COL26A1: variants seen among roughly 807,000 people sequenced by gnomAD.
COL26A1 encodes the protein collagen type XXVI alpha 1 chain, also known as collagen alpha-1(XXVI) chain.
COL26A1 carries 41 observed loss-of-function variants against 59.3 expected under a neutral mutation model. The observed-to-expected ratio is 0.69, with a 90% CI of 0.54 to 0.90. The LOEUF is 0.90. Among genes scored for constraint, COL26A1 ranks in the 40% least tolerant of loss-of-function variants. The pLI is 0.00. For synonymous variants in COL26A1, 266 were observed against 256.0 expected (o/e 1.04, Z -0.37); for missense variants, 612 against 602.3 (o/e 1.02, Z -0.17).
intron 2 of COL26A1, among the ~76,000 whole-genome samples, chr7:101,441,288 T>A (rs1265329065): frequency 6.6e-6 from 1 of 152,184 alleles, no homozygotes; most frequent in South Asian, 2.1e-4. Flanking sequence ...CAGTACACTG[T>A]GAGTCTGCAA....
At chr7:101,475,150 C>T (rs780459950) in intron 3 of COL26A1, among the ~76,000 whole-genome samples, 2 of 150,986 alleles carry the variant, frequency 1.3e-5, no homozygotes, top group Admixed American at 6.6e-5. Flanking sequence ...GAGCCGAGAT[C>T]GCGCCACTGC....
At chr7:101,554,871 A>T (rs1795934110) in intron 11 of COL26A1, among the ~76,000 whole-genome samples, 1 of 152,058 alleles carries the variant, frequency 6.6e-6, no homozygotes, top group Non-Finnish European at 1.5e-5. Flanking sequence ...CGACACTGAC[A>T]TCCCTGTCCC....
chr7:101,516,478 C>T (rs1220709929), intron 3 of COL26A1, among the ~76,000 whole-genome samples: 2 of 152,028 alleles, frequency 1.3e-5, no homozygotes, highest in Non-Finnish European at 2.9e-5. Context: ...CACTAGGTTG[C>T]CCCACCTAGT....
intron 9 of COL26A1, among the ~76,000 whole-genome samples, chr7:101,549,590 C>A (rs995692324): frequency 6.6e-6 from 1 of 152,114 alleles, no homozygotes; most frequent in Admixed American, 6.5e-5. Context: ...CCATGTTGCC[C>A]AGGCTGGTCT....
intron 3 of COL26A1, among the ~76,000 whole-genome samples, chr7:101,475,491 G>A (rs1794009845): frequency 1.3e-5 from 2 of 152,046 alleles, no homozygotes; most frequent in Admixed American, 1.3e-4. Flanking sequence ...GAGCCCCACT[G>A]ATGGAGAGAA....
At chr7:101,535,407 C>T (rs1270717315) in intron 4 of COL26A1, among the ~76,000 whole-genome samples, 1 of 152,222 alleles carries the variant, frequency 6.6e-6, no homozygotes, top group African/African-American at 2.4e-5. Flanking sequence ...CAGCCCTGGC[C>T]TCAGCCCAGT....
At chr7:101,451,091 A>G (rs1376488107) in intron 3 of COL26A1, among the ~76,000 whole-genome samples, 1 of 129,090 alleles carries the variant, frequency 7.7e-6, no homozygotes, top group Non-Finnish European at 1.6e-5. Context: ...TATATTATTG[A>G]AATATATGAT....
intron 9 of COL26A1, among the ~76,000 whole-genome samples, chr7:101,549,538 G>A (rs1438686543): frequency 2.6e-5 from 4 of 152,010 alleles, no homozygotes; most frequent in African/African-American, 9.7e-5. Flanking sequence ...ACGCCACCAC[G>A]CCCAGCTAAT....
At chr7:101,498,534 G>A (rs1324889561) in intron 3 of COL26A1, among the ~76,000 whole-genome samples, 1 of 152,150 alleles carries the variant, frequency 6.6e-6, no homozygotes, top group East Asian at 1.9e-4. Context: ...GCACCTTGGT[G>A]AGCCTTGAGT....
chr7:101,363,146 C>G lies in COL26A1; in HGVS notation c.114C>G (p.Pro38=). ...CAGCTCTGCAGCAGCACGGCTACCC[C>G]GAGCCCGGCGCCGGCTCCCCTGGCA... ...SAAALQQHGY[P]EPGAGSPGSG... is the part of the protein sequence containing the mutation. The change falls in exon 1 of 13, where the codon CCC becomes CCG. Residue 38 remains proline (P), a synonymous_variant. Transcript: ENST00000313669. 1 of 1,514,570 alleles carries G rather than the reference C, an allele frequency of 6.6e-7. No individual in the cohort carries two copies. Among genetic ancestry groups the G allele is most frequent in the Non-Finnish European group, 8.8e-7 (1 of 1,138,936 alleles). The allele number at this position is 1,514,570 out of a possible 1,614,324, so 93.8% of individuals were successfully genotyped here.
Position 101,416,254 on chromosome 7 carries a change from T to C in COL26A1, c.159-3723T>C, listed in dbSNP as rs76984165. Among the ~76,000 whole-genome samples the C allele has an allele frequency of 3.8e-3, 547 of 142,102 alleles. 27 individuals carry two copies. In the East Asian group the frequency reaches 0.089, roughly 23 times the overall value. 93.2% of individuals were successfully genotyped at this position (142,102 alleles called of 152,430 possible). A position where few individuals can be genotyped will look rare whatever the true frequency, so the allele number is the denominator to read the frequency against. On this transcript the variant is annotated intron_variant, in intron 1 of 12. Coordinates refer to ENST00000313669, the MANE Select transcript of COL26A1 (RefSeq NM_001278563.3). The stretch of plus-strand genomic sequence containing the variant: ...ACAAAAATGCAAAAGTTAGCCAGCA[T>C]GTTGGCGCACACCTGTGGTCCCAGC...
intron 3 of COL26A1, among the ~76,000 whole-genome samples, chr7:101,524,841 G>A (rs1183033904): frequency 6.6e-6 from 1 of 152,100 alleles, no homozygotes; most frequent in Non-Finnish European, 1.5e-5. Flanking sequence ...GATCTTGCTG[G>A]GGGGAAGATG....
intron 1 of COL26A1, among the ~76,000 whole-genome samples, chr7:101,395,685 C>T (rs112621917): frequency 1.9e-4 from 29 of 152,164 alleles, no homozygotes; most frequent in African/African-American, 7.0e-4. Flanking sequence ...TTGTGGTCAA[C>T]CCCCTGGTGC....
chr7:101,456,168 A>ATATTT (rs1163899499), intron 3 of COL26A1, among the ~76,000 whole-genome samples: 1 of 124,598 alleles, frequency 8.0e-6, no homozygotes, highest in East Asian at 2.1e-4. Context: ...ATATATATAT[A>ATATTT]TTTTTTTTTT....
chr7:101,452,997 C>T (rs1012008843), intron 3 of COL26A1, among the ~76,000 whole-genome samples: 16 of 152,164 alleles, frequency 1.1e-4, no homozygotes, highest in Admixed American at 6.5e-4. Context: ...GTGATCTGCC[C>T]GCCCCCGCCT....
rs551955971 is a variant in COL26A1, at chr7:101,533,159, G to T, written c.447+16G>T. On this transcript the variant is annotated intron_variant, in intron 4 of 12. Transcript: ENST00000313669. ...GGAGGCCAAGGTCAGTCGGGCTGGG[G>T]AGTCTGGGCCTGGGGAGCTGCCTGG... 5.0e-6 allele frequency: 8 copies of T among 1,589,758 alleles called. No individual in the cohort carries two copies. Among genetic ancestry groups the T allele is most frequent in the Middle Eastern group, 3.3e-4 (2 of 6,018 alleles).
intron 2 of COL26A1, among the ~76,000 whole-genome samples, chr7:101,431,058 T>A (rs1437632309): frequency 6.6e-6 from 1 of 152,174 alleles, no homozygotes; most frequent in Non-Finnish European, 1.5e-5. Flanking sequence ...TGCCTCAGCC[T>A]CCCAAAGTGC....
At chr7:101,492,110 T>C (rs1470773491) in intron 3 of COL26A1, among the ~76,000 whole-genome samples, 4 of 152,122 alleles carry the variant, frequency 2.6e-5, no homozygotes, top group Non-Finnish European at 5.9e-5. Flanking sequence ...AGGAAGCCGC[T>C]GGTAAGCCTG....
At chr7:101,415,183 C>G (rs1175872124) in intron 1 of COL26A1, among the ~76,000 whole-genome samples, 1 of 146,070 alleles carries the variant, frequency 6.8e-6, no homozygotes. Flanking sequence ...CGGAGTCTCT[C>G]TCTCTGTCGC....
Sources: gnomAD v4.1 joint callset for allele counts (sites outside exome capture counted in the v4.1 genomes callset) on GRCh38, gnomAD v4.1.1 for gene constraint, MANE v1.5 for transcripts, NCBI Gene and HGNC (gene_info 2026-07-23, HGNC 2026-07-21) for gene names.